The following RBFOX1 variants were observed in gnomAD, a reference collection of about 807,000 sequenced individuals.
RBFOX1 encodes the protein RNA binding fox-1 homolog 1.
RBFOX1 carries 8 observed loss-of-function variants against 57.7 expected under a neutral mutation model. That is an observed-to-expected ratio of 0.14 (90% CI 0.08 to 0.25). The LOEUF (loss-of-function observed/expected upper bound fraction) is 0.25. Ranked by LOEUF, RBFOX1 falls within the 10% of genes least tolerant of loss-of-function variation. The probability of loss-of-function intolerance (pLI) is 1.00; values close to 1 mark genes in which losing one functional copy is unlikely to be tolerated. For synonymous variants in RBFOX1, 326 were observed against 222.4 expected (o/e 1.47, Z -4.15); for missense variants, 611 against 548.5 (o/e 1.11, Z -1.14).
At chr16:7,364,277 T>A (rs1255433088) in intron 4 of RBFOX1, among the ~76,000 whole-genome samples, 1 of 152,158 alleles carries the variant, frequency 6.6e-6, no homozygotes, top group Non-Finnish European at 1.5e-5. Flanking sequence ...CGGAACCCTT[T>A]GAAGTATGAG....
intron 3 of RBFOX1, among the ~76,000 whole-genome samples, chr16:5,656,388 A>T (rs1017334130): frequency 6.6e-6 from 1 of 152,190 alleles, no homozygotes; most frequent in East Asian, 1.9e-4. Flanking sequence ...ACTCTCTCAC[A>T]TTCATTTAAG....
chr16:7,109,406 C>G (rs2064224363), intron 4 of RBFOX1, among the ~76,000 whole-genome samples: 2 of 152,136 alleles, frequency 1.3e-5, no homozygotes, highest in African/African-American at 4.8e-5. Context: ...TACCAACTGC[C>G]TCTCAGAACC....
chr16:6,889,579 A>G lies in RBFOX1; in HGVS notation c.-15-162478A>G, dbSNP rs112638040. Among the ~76,000 whole-genome samples the G allele has an allele frequency of 3.9e-5, 6 of 152,078 alleles. 1 individual carries two copies. Among genetic ancestry groups the G allele is most frequent in the African/African-American group, 9.6e-5 (4 of 41,566 alleles). On this transcript the variant is annotated intron_variant, in intron 3 of 15. Transcript: ENST00000550418. ...ATGATGGTTAGTATTTGCAACATAT[A>G]CATGTCGAATTCCCGACTAGTTTGT...
At chr16:6,856,884 A>G (rs1314208258) in intron 3 of RBFOX1, among the ~76,000 whole-genome samples, 2 of 152,188 alleles carry the variant, frequency 1.3e-5, no homozygotes, top group South Asian at 4.2e-4. Flanking sequence ...CTGCTGCAAA[A>G]TGTTAGAGAC....
At chr16:7,124,297 C>G (rs937543648) in intron 4 of RBFOX1, among the ~76,000 whole-genome samples, 2 of 151,988 alleles carry the variant, frequency 1.3e-5, no homozygotes, top group African/African-American at 2.4e-5. Flanking sequence ...GCCTTTGGTT[C>G]TAGCTACTCA....
At chr16:6,627,200 A>G (rs1395376752) in intron 2 of RBFOX1, among the ~76,000 whole-genome samples, 1 of 152,172 alleles carries the variant, frequency 6.6e-6, no homozygotes, top group East Asian at 1.9e-4. Context: ...TGGGCAGAGT[A>G]GTTTGGAGGA....
chr16:7,024,666 G>C (rs940510321), intron 3 of RBFOX1, among the ~76,000 whole-genome samples: 2 of 152,140 alleles, frequency 1.3e-5, no homozygotes, highest in South Asian at 2.1e-4. Context: ...GTTCTTTGCA[G>C]GCACTTAGAT....
chr16:7,515,759 C>G (rs2076218551), intron 4 of RBFOX1, among the ~76,000 whole-genome samples: 2 of 152,182 alleles, frequency 1.3e-5, no homozygotes, highest in Non-Finnish European at 2.9e-5. Context: ...AGAAACCTCT[C>G]TGTTCCTCAG....
intron 1 of RBFOX1, among the ~76,000 whole-genome samples, chr16:5,387,536 C>G (rs775389830): frequency 2.0e-5 from 3 of 152,178 alleles, no homozygotes; most frequent in African/African-American, 7.2e-5. Flanking sequence ...GATGAAAAGA[C>G]TGCCTTTAAA....
At chr16:6,907,460 C>T (rs1027104522) in intron 3 of RBFOX1, among the ~76,000 whole-genome samples, 1 of 152,180 alleles carries the variant, frequency 6.6e-6, no homozygotes, top group Non-Finnish European at 1.5e-5. Flanking sequence ...GTCTTGTGTT[C>T]TGAAGGCTAG....
At chr16:5,483,700 G>T (rs979318674) in intron 2 of RBFOX1, among the ~76,000 whole-genome samples, 1 of 152,118 alleles carries the variant, frequency 6.6e-6, no homozygotes, top group Admixed American at 6.6e-5. Context: ...AGCACTGTTG[G>T]GTGAATACAG....
intron 3 of RBFOX1, among the ~76,000 whole-genome samples, chr16:5,644,260 A>G (rs546053908): frequency 1.3e-5 from 2 of 152,332 alleles, no homozygotes; most frequent in African/African-American, 2.4e-5. Context: ...TTAAGGCTGT[A>G]TATGAAGGAC....
chr16:7,372,820 CAG>C (rs922568967), intron 4 of RBFOX1, among the ~76,000 whole-genome samples: 7 of 151,118 alleles, frequency 4.6e-5, no homozygotes, highest in Non-Finnish European at 8.8e-5. Flanking sequence ...GAGCAGGAGA[CAG>C]AGAGAGAGAA....
intron 5 of RBFOX1, among the ~76,000 whole-genome samples, chr16:7,573,845 A>AG (rs397723122): frequency 2.6e-5 from 4 of 151,468 alleles, no homozygotes; most frequent in South Asian, 2.1e-4. Context: ...AAAAAAAAAA[A>AG]GAGGTCAAAT....
intron 14 of RBFOX1, among the ~76,000 whole-genome samples, chr16:7,699,481 C>G (rs569493227): frequency 9.2e-4 from 140 of 152,296 alleles, no homozygotes; most frequent in Admixed American, 9.1e-3. Context: ...CACGGGCCCA[C>G]CACACCCAGC....
intron 2 of RBFOX1, among the ~76,000 whole-genome samples, chr16:6,549,101 C>CGGGGAGGAAAGAGAAGGAAGA (rs1354909802): frequency 1.4e-5 from 1 of 72,600 alleles, no homozygotes; most frequent in Non-Finnish European, 2.5e-5. Context: ...GAAGAGGAGG[C>CGGGGAGGAAAGAGAAGGAAGA]GGGGAGGAAA....
intron 4 of RBFOX1, among the ~76,000 whole-genome samples, chr16:7,455,880 T>C (rs1234899284): frequency 6.6e-6 from 1 of 152,098 alleles, no homozygotes; most frequent in African/African-American, 2.4e-5. Context: ...TGAGCCACTG[T>C]GATGTCTAAG....
intron 4 of RBFOX1, among the ~76,000 whole-genome samples, chr16:7,240,579 G>A (rs1446986546): frequency 6.6e-6 from 1 of 152,010 alleles, no homozygotes; most frequent in Non-Finnish European, 1.5e-5. Flanking sequence ...TTTTGAGACA[G>A]GGTCTCACTT....
At chr16:5,258,131 C>G (rs568244470) in intron 1 of RBFOX1, among the ~76,000 whole-genome samples, 1 of 152,258 alleles carries the variant, frequency 6.6e-6, no homozygotes, top group African/African-American at 2.4e-5. Context: ...CTCCATCCAC[C>G]TCGGCCTCCT....
Sources: allele counts gnomAD v4.1 joint callset (sites outside exome capture counted in the v4.1 genomes callset), GRCh38; gene constraint gnomAD v4.1.1; transcripts MANE v1.5; gene names NCBI Gene and HGNC (gene_info 2026-07-23, HGNC 2026-07-21).